Variants in ZC4H2 observed in about 807,000 individuals in gnomAD.
ZC4H2 encodes the protein zinc finger C4H2 domain-containing protein.
For synonymous variants in ZC4H2, 84 were observed against 66.3 expected (o/e 1.27, Z -1.30); for missense variants, 137 against 173.9 (o/e 0.79, Z 1.19).
intron 2 of ZC4H2, 118 bp downstream of exon 2, chrX:64,921,699 C>A: frequency 1.2e-6 from 1 of 805,349 alleles, no homozygotes; most frequent in Non-Finnish European, 1.8e-6. Context: ...TCTACCACAG[C>A]CTGCACTGAT....
intron 1 of ZC4H2, among the ~76,000 whole-genome samples, chrX:64,951,581 T>C (rs1293800056): frequency 2.7e-5 from 3 of 112,541 alleles, no homozygotes; most frequent in African/African-American, 9.7e-5. Flanking sequence ...ATGCGTTTTT[T>C]GGCTGCATAA....
At chrX:64,994,245 T>C (rs1932365662) in intron 1 of ZC4H2, among the ~76,000 whole-genome samples, 1 of 111,401 alleles carries the variant, frequency 9.0e-6, no homozygotes, top group Non-Finnish European at 1.9e-5. Flanking sequence ...GGCTCTATTA[T>C]TATTCTCATT....
At chrX:64,996,185 T>C (rs1932410597) in intron 1 of ZC4H2, among the ~76,000 whole-genome samples, 1 of 111,703 alleles carries the variant, frequency 9.0e-6, no homozygotes, top group Admixed American at 9.5e-5. Flanking sequence ...CAGAAATAGG[T>C]GAATTTTTTG....
intron 1 of ZC4H2, among the ~76,000 whole-genome samples, chrX:64,945,101 C>T (rs1220265294): frequency 8.9e-6 from 1 of 112,979 alleles, no homozygotes; most frequent in Non-Finnish European, 1.9e-5. Flanking sequence ...ACTCTTGCTC[C>T]ATCCAGTTTC....
chrX:64,928,363 C>A (rs924343385), intron 1 of ZC4H2, among the ~76,000 whole-genome samples: 1 of 111,884 alleles, frequency 8.9e-6, no homozygotes, highest in East Asian at 2.8e-4. Context: ...TTCCCAACAC[C>A]ATTTATTAAA....
At chrX:64,975,564 G>T (rs773087543) in intron 1 of ZC4H2, among the ~76,000 whole-genome samples, 22 of 111,395 alleles carry the variant, frequency 2.0e-4, no homozygotes, top group Non-Finnish European at 3.6e-4. Context: ...CACACAGCCC[G>T]CCTGGCGCTA....
At chrX:65,017,788 C>T (rs1012708057) in intron 1 of ZC4H2, among the ~76,000 whole-genome samples, 4 of 111,984 alleles carry the variant, frequency 3.6e-5, no homozygotes, top group Non-Finnish European at 7.5e-5. Context: ...CAAATGCTTA[C>T]GACAATCTTA....
At position 64,999,039 on chromosome X, in the gene ZC4H2, G is replaced by GTTT. The variant is rs58094683; in HGVS notation, c.-272+35587_-272+35589dup. ...TAGACAGCATACAGTTGGATTATGTGTTTTTTTTTTTTTTTTTTTTTTTTT... is the reference window on the plus strand; with the variant it reads ...TAGACAGCATACAGTTGGATTATGTGTTTTTTTTTTTTTTTTTTTTTTTTTTTT... On this transcript the variant is annotated intron_variant, in intron 1 of 4. Transcript: ENST00000337990. Among the ~76,000 whole-genome samples the GTTT allele has an allele frequency of 5.3e-3, 63 of 11,855 alleles. 8 individuals carry two copies. The highest frequency in any genetic ancestry group is 0.011 in the African/African-American group (38 of 3,538). The allele number at this position is 11,855 out of a possible 115,157, so 10.3% of individuals were successfully genotyped here.
intron 1 of ZC4H2, among the ~76,000 whole-genome samples, chrX:64,928,579 A>G (rs1181520824): frequency 1.8e-5 from 2 of 109,880 alleles, no homozygotes; most frequent in Non-Finnish European, 3.8e-5. Context: ...ATTATTAGCC[A>G]TTTCTATATC....
chrX:64,935,814 A>G (rs773870141), intron 1 of ZC4H2, among the ~76,000 whole-genome samples: 90 of 111,584 alleles, frequency 8.1e-4, no homozygotes, highest in African/African-American at 2.8e-3. Context: ...CACTAACATA[A>G]AAACCAAAGG....
intron 1 of ZC4H2, among the ~76,000 whole-genome samples, chrX:64,958,399 T>TTG (rs201619196): frequency 0.082 from 9,080 of 111,303 alleles, 1,024 homozygotes; most frequent in African/African-American, 0.29. Context: ...GTGTGTGTAT[T>TTG]TGTGTGTGTG....
chrX:64,968,026 G>T (rs1161915778), intron 1 of ZC4H2, among the ~76,000 whole-genome samples: 1 of 111,619 alleles, frequency 9.0e-6, no homozygotes, highest in Non-Finnish European at 1.9e-5. Context: ...ACCATGGGTG[G>T]CAAGGATTTC....
chrX:64,925,847 G>C (rs992623363), intron 1 of ZC4H2, among the ~76,000 whole-genome samples: 9 of 111,914 alleles, frequency 8.0e-5, no homozygotes, highest in Non-Finnish European at 1.9e-5. Flanking sequence ...CCAGCAAGAT[G>C]GCAGCTTAAT....
intron 1 of ZC4H2, among the ~76,000 whole-genome samples, chrX:65,012,224 C>CAAAAAA (rs10606871): frequency 6.7e-4 from 17 of 25,276 alleles, no homozygotes; most frequent in East Asian, 2.6e-3. Flanking sequence ...GACCCCGTCT[C>CAAAAAA]AAAAAAAAAA....
intron 1 of ZC4H2, among the ~76,000 whole-genome samples, chrX:64,932,413 C>T (rs995339734): frequency 9.0e-6 from 1 of 110,850 alleles, no homozygotes; most frequent in Non-Finnish European, 1.9e-5. Flanking sequence ...TAGTTGTTGC[C>T]TATATGTTTT....
chrX:64,988,077 T>G (rs1180638044), intron 1 of ZC4H2, among the ~76,000 whole-genome samples: 1 of 110,023 alleles, frequency 9.1e-6, no homozygotes, highest in South Asian at 4.0e-4. Flanking sequence ...TCCTTTTTTA[T>G]GGCTGCATAG....
chrX:64,923,285 A>C (rs1361741382), intron 1 of ZC4H2, among the ~76,000 whole-genome samples: 1 of 111,992 alleles, frequency 8.9e-6, no homozygotes, highest in Non-Finnish European at 1.9e-5. Flanking sequence ...TAATAACATA[A>C]TTTGAAGCCT....
chrX:65,005,672 C>T (rs1932640643), intron 1 of ZC4H2, among the ~76,000 whole-genome samples: 1 of 111,542 alleles, frequency 9.0e-6, no homozygotes, highest in Admixed American at 9.5e-5. Context: ...GACTAAAACA[C>T]CAAAAGCAAT....
At chrX:64,941,848 ATTG>A (rs1394137363) in intron 1 of ZC4H2, among the ~76,000 whole-genome samples, 3 of 111,140 alleles carry the variant, frequency 2.7e-5, no homozygotes, top group African/African-American at 6.5e-5. Context: ...TTTCTTTGTT[ATTG>A]TTGTTGCTGT....
Sources: allele counts gnomAD v4.1 joint callset (sites outside exome capture counted in the v4.1 genomes callset), GRCh38; gene constraint gnomAD v4.1.1; transcripts MANE v1.5; gene names NCBI Gene and HGNC (gene_info 2026-07-23, HGNC 2026-07-21).